The following DLGAP2 variants were observed in gnomAD, a reference collection of about 807,000 sequenced individuals.
The protein encoded by DLGAP2 is DLG associated protein 2.
Under a neutral mutation model 100.3 loss-of-function variants are expected in DLGAP2, and 26 were observed. The ratio of observed to expected loss-of-function variants is 0.26; its 90% CI spans 0.19 to 0.36. The LOEUF is 0.36. DLGAP2 is among the 10% of genes least tolerant of loss of function. The pLI, the probability that DLGAP2 is intolerant of heterozygous loss-of-function variation, is 1.00. For synonymous variants in DLGAP2, 886 were observed against 630.1 expected (o/e 1.41, Z -6.08); for missense variants, 1,858 against 1,453.2 (o/e 1.28, Z -4.53).
chr8:1,277,348 C>T (rs1799719030), intron 3 of DLGAP2, among the ~76,000 whole-genome samples: 1 of 152,090 alleles, frequency 6.6e-6, no homozygotes, highest in Admixed American at 6.5e-5. Flanking sequence ...TCTAGGCAGC[C>T]TGTTTTTGGT....
chr8:838,226 T>C (rs1288555513), intron 1 of DLGAP2, among the ~76,000 whole-genome samples: 1 of 152,124 alleles, frequency 6.6e-6, no homozygotes, highest in African/African-American at 2.4e-5. Flanking sequence ...TTTTAAGTTC[T>C]TAATGTTTTT....
chr8:1,321,161 G>A (rs530615377), intron 3 of DLGAP2, among the ~76,000 whole-genome samples: 19 of 150,028 alleles, frequency 1.3e-4, no homozygotes, highest in African/African-American at 2.0e-4. Context: ...ATCCGTGCCC[G>A]TATGTGTCTG....
chr8:1,336,279 A>G (rs967628673), intron 3 of DLGAP2, among the ~76,000 whole-genome samples: 2 of 152,340 alleles, frequency 1.3e-5, no homozygotes, highest in Non-Finnish European at 1.5e-5. Context: ...CAGTCAAGCA[A>G]CTCTGAGATC....
chr8:947,144 T>C (rs1000871918), intron 2 of DLGAP2, among the ~76,000 whole-genome samples: 14 of 152,174 alleles, frequency 9.2e-5, no homozygotes, highest in African/African-American at 3.4e-4. Context: ...TGTCTTTCAA[T>C]TGAACACAGC....
At chr8:1,330,401 G>A (rs898424242) in intron 3 of DLGAP2, among the ~76,000 whole-genome samples, 7 of 146,098 alleles carry the variant, frequency 4.8e-5, no homozygotes, top group African/African-American at 1.8e-4. Context: ...ACAGGGACTA[G>A]TTCTGGGTGG....
At chr8:1,454,728 G>A (rs868362374) in intron 3 of DLGAP2, among the ~76,000 whole-genome samples, 17 of 152,124 alleles carry the variant, frequency 1.1e-4, no homozygotes, top group African/African-American at 4.1e-4. Context: ...CTGTTTTGTG[G>A]TTCAAGGTCA....
intron 1 of DLGAP2, among the ~76,000 whole-genome samples, chr8:907,166 TA>T (rs1285409701): frequency 2.6e-5 from 4 of 152,212 alleles, no homozygotes; most frequent in African/African-American, 9.7e-5. Flanking sequence ...CAGAGACTTG[TA>T]GATGCTGTCT....
chr8:1,453,114 G>T (rs1798208386), intron 3 of DLGAP2, among the ~76,000 whole-genome samples: 1 of 152,072 alleles, frequency 6.6e-6, no homozygotes, highest in Non-Finnish European at 1.5e-5. Flanking sequence ...GACTGCTCGG[G>T]AGCTGAGATG....
chr8:1,091,166 C>G lies in DLGAP2; in HGVS notation c.74-167685C>G, dbSNP rs74520420. 7.8e-3 allele frequency among the ~76,000 whole-genome samples: 1,181 copies of G among 152,284 alleles called. 12 individuals carry two copies. The highest frequency in any genetic ancestry group is 0.027 in the African/African-American group (1,114 of 41,548). The stretch of plus-strand genomic sequence containing the variant: ...AGCCCACCCCGGTTCTCTCTGGGAG[C>G]CTGTGCATCTCTTCCTGGTCATGTA... On this transcript the variant is annotated intron_variant, in intron 2 of 14. Transcript: ENST00000637795.
In DLGAP2 at chr8:1,181,173, G is replaced by A. The variant is rs111526764; in HGVS notation, c.74-77678G>A. Among the ~76,000 whole-genome samples the A allele has an allele frequency of 3.0e-3, 277 of 93,598 alleles. 4 individuals carry two copies. Among genetic ancestry groups the A allele is most frequent in the African/African-American group, 0.012 (265 of 21,816 alleles). 61.4% of individuals were successfully genotyped at this position (93,598 alleles called of 152,430 possible). On this transcript the variant is annotated intron_variant, in intron 2 of 14. Coordinates refer to ENST00000637795, the MANE Select transcript of DLGAP2 (RefSeq NM_001346810.2). ...GCTGTGCAAGGGCAGTACACTTACT[G>A]TCGAGTGTGGGTGGCTGTGCAAGGG...
At chr8:1,251,030 G>C (rs879284801) in intron 2 of DLGAP2, among the ~76,000 whole-genome samples, 4 of 152,154 alleles carry the variant, frequency 2.6e-5, no homozygotes, top group Non-Finnish European at 5.9e-5. Context: ...TATTTTTTCT[G>C]TGTACATCAA....
chr8:749,697 AC>A, intron 1 of DLGAP2, among the ~76,000 whole-genome samples: 1 of 152,304 alleles, frequency 6.6e-6, no homozygotes, highest in Middle Eastern at 3.4e-3. Flanking sequence ...ATTCCTAGGA[AC>A]AGAATTATTG....
chr8:752,338 C>G (rs1299675562), intron 1 of DLGAP2, among the ~76,000 whole-genome samples: 1 of 152,210 alleles, frequency 6.6e-6, no homozygotes, highest in Admixed American at 6.5e-5. Flanking sequence ...ATGCTCATGC[C>G]TCGCCTTCCT....
rs138472626 is a variant in DLGAP2, at chr8:1,437,303, A to T, written c.107-64063A>T. Among the ~76,000 whole-genome samples, 584 of 152,280 alleles carry T rather than the reference A, an allele frequency of 3.8e-3. 3 individuals are homozygous for T. The highest frequency in any genetic ancestry group is 0.013 in the African/African-American group (545 of 41,510). On this transcript the variant is annotated intron_variant, in intron 3 of 14. Transcript: ENST00000637795. ...AGCCCAGGCATGCAGGCGCGAAGCCATGCGGGTTTGTATCAGTGCGCTCCA... is the reference window on the plus strand; with the variant it reads ...AGCCCAGGCATGCAGGCGCGAAGCCTTGCGGGTTTGTATCAGTGCGCTCCA...
At chr8:1,086,859 G>T (rs976546157) in intron 2 of DLGAP2, among the ~76,000 whole-genome samples, 1 of 152,082 alleles carries the variant, frequency 6.6e-6, no homozygotes, top group Non-Finnish European at 1.5e-5. Context: ...CATACAGACA[G>T]AAAATTAATA....
chr8:1,068,860 A>G (rs1371462719), intron 2 of DLGAP2, among the ~76,000 whole-genome samples: 1 of 152,104 alleles, frequency 6.6e-6, no homozygotes, highest in Non-Finnish European at 1.5e-5. Flanking sequence ...GTTTATCAAG[A>G]AGATGCTTCT....
intron 3 of DLGAP2, among the ~76,000 whole-genome samples, chr8:1,451,888 A>C (rs747267186): frequency 1.6e-4 from 25 of 152,206 alleles, no homozygotes; most frequent in Non-Finnish European, 3.2e-4. Context: ...ACCAGAGCTC[A>C]CGGGCTCCCA....
intron 3 of DLGAP2, among the ~76,000 whole-genome samples, chr8:1,339,601 T>C (rs1452462326): frequency 2.0e-5 from 3 of 152,232 alleles, no homozygotes. Flanking sequence ...TGTTTTCTGA[T>C]GTAGAATCTG....
intron 2 of DLGAP2, among the ~76,000 whole-genome samples, chr8:1,197,340 C>T (rs930049713): frequency 1.3e-5 from 2 of 152,272 alleles, no homozygotes; most frequent in East Asian, 3.8e-4. Flanking sequence ...CCTCCCTCCT[C>T]TTCTGCTCAG....
Sources: gnomAD v4.1 joint callset for allele counts (sites outside exome capture counted in the v4.1 genomes callset) on GRCh38, gnomAD v4.1.1 for gene constraint, MANE v1.5 for transcripts, NCBI Gene and HGNC (gene_info 2026-07-23, HGNC 2026-07-21) for gene names.